ZMIZ1: variants seen among roughly 807,000 people sequenced by gnomAD.
The protein encoded by ZMIZ1 is zinc finger MIZ domain-containing protein 1.
In ZMIZ1, 17 loss-of-function variants were observed where a neutral mutation model predicts 113.9. That is an observed-to-expected ratio of 0.15 (90% CI 0.10 to 0.22). The LOEUF (loss-of-function observed/expected upper bound fraction) is 0.22. Among genes scored for constraint, ZMIZ1 ranks in the 10% least tolerant of loss-of-function variants. ZMIZ1 has a pLI of 1.00. For synonymous variants in ZMIZ1, 607 were observed against 603.1 expected (o/e 1.01, Z -0.09); for missense variants, 1,059 against 1,477.8 (o/e 0.72, Z 4.65).
chr10:79,188,291 G>A (rs1313484324), intron 4 of ZMIZ1, among the ~76,000 whole-genome samples: 1 of 152,146 alleles, frequency 6.6e-6, no homozygotes, highest in East Asian at 1.9e-4. Flanking sequence ...GTCATTGCTT[G>A]GATGGGACAG....
chr10:79,270,400 C>T (rs1306625365), intron 7 of ZMIZ1, among the ~76,000 whole-genome samples: 2 of 152,284 alleles, frequency 1.3e-5, no homozygotes, highest in Non-Finnish European at 1.5e-5. Flanking sequence ...TTGGTGCTGC[C>T]TTCGCCATAG....
At chr10:79,270,570 G>A (rs530166464) in intron 7 of ZMIZ1, among the ~76,000 whole-genome samples, 4 of 152,322 alleles carry the variant, frequency 2.6e-5, no homozygotes, top group East Asian at 1.9e-4. Flanking sequence ...TGGAGGACAC[G>A]TGTTGCTTGT....
chr10:79,147,350 G>C (rs1180065359), intron 3 of ZMIZ1, among the ~76,000 whole-genome samples: 1 of 152,216 alleles, frequency 6.6e-6, no homozygotes, highest in Non-Finnish European at 1.5e-5. Flanking sequence ...CTTCTGACCA[G>C]GGGGAGCCGA....
chr10:79,083,070 C>A (rs704007), intron 1 of ZMIZ1, among the ~76,000 whole-genome samples: 80,553 of 152,180 alleles, frequency 0.53, 21,573 homozygotes, highest in African/African-American at 0.61. Flanking sequence ...TTGACAGGGG[C>A]CCTGCTTACA....
intron 4 of ZMIZ1, among the ~76,000 whole-genome samples, chr10:79,166,742 C>T (rs1174199545): frequency 3.3e-5 from 5 of 152,230 alleles, no homozygotes; most frequent in Non-Finnish European, 1.5e-5. Context: ...AAATTGTCCT[C>T]TCCTGAAGGG....
chr10:79,165,537 A>G (rs1307161310), intron 4 of ZMIZ1, among the ~76,000 whole-genome samples: 1 of 152,124 alleles, frequency 6.6e-6, no homozygotes, highest in Admixed American at 6.5e-5. Flanking sequence ...CTGTGTGAAT[A>G]TTCATGAGTA....
chr10:79,293,839 A>C, intron 12 of ZMIZ1, 186 bp downstream of exon 12: 16 of 867,672 alleles, frequency 1.8e-5, no homozygotes, highest in South Asian at 6.2e-5. Flanking sequence ...CAACTGAAAG[A>C]CCTCGAGCCA....
intron 5 of ZMIZ1, among the ~76,000 whole-genome samples, chr10:79,204,119 C>T (rs967917701): frequency 6.6e-6 from 1 of 152,228 alleles, no homozygotes; most frequent in Non-Finnish European, 1.5e-5. Context: ...ATCCTGTAAC[C>T]TAATCAGAAG....
intron 1 of ZMIZ1, among the ~76,000 whole-genome samples, chr10:79,114,102 G>T (rs1843882143): frequency 6.6e-6 from 1 of 152,342 alleles, no homozygotes; most frequent in South Asian, 2.1e-4. Flanking sequence ...GGGGACTGGG[G>T]TGGCCCCCTC....
At chr10:79,273,665 C>T (rs1030709852) in intron 7 of ZMIZ1, among the ~76,000 whole-genome samples, 1 of 152,254 alleles carries the variant, frequency 6.6e-6, no homozygotes, top group South Asian at 2.1e-4. Flanking sequence ...GCCCCTGCTT[C>T]TTGGTTTCTG....
At chr10:79,290,806 T>TC (rs1304536747) in intron 9 of ZMIZ1, 153 bp from the exon 10 acceptor site, 1 of 871,982 alleles carries the variant, frequency 1.1e-6, no homozygotes, top group Non-Finnish European at 1.9e-6. Context: ...ACCGGTACAC[T>TC]CAGAATAGTT....
chr10:79,273,293 C>G (rs1852059648), intron 7 of ZMIZ1, among the ~76,000 whole-genome samples: 1 of 152,200 alleles, frequency 6.6e-6, no homozygotes, highest in African/African-American at 2.4e-5. Flanking sequence ...ACCCTAACCC[C>G]CTTTCTGTGG....
intron 1 of ZMIZ1, among the ~76,000 whole-genome samples, chr10:79,117,340 T>C (rs1844079867): frequency 6.6e-6 from 1 of 152,154 alleles, no homozygotes; most frequent in Non-Finnish European, 1.5e-5. Context: ...AGGCGTAGAG[T>C]CTTTTTGCCC....
intron 22 of ZMIZ1, among the ~76,000 whole-genome samples, chr10:79,306,984 G>A (rs371026326): frequency 3.3e-5 from 5 of 152,300 alleles, no homozygotes; most frequent in Admixed American, 6.5e-5. Flanking sequence ...TGGCTTCTGC[G>A]GGTGTCATCC....
chr10:79,076,891 C>G (rs1297398502), intron 1 of ZMIZ1, among the ~76,000 whole-genome samples: 1 of 152,150 alleles, frequency 6.6e-6, no homozygotes, highest in Non-Finnish European at 1.5e-5. Context: ...TACAAGGTTT[C>G]TCATCTGCCG....
At chr10:79,235,841 C>T (rs534608110) in intron 7 of ZMIZ1, among the ~76,000 whole-genome samples, 7 of 152,172 alleles carry the variant, frequency 4.6e-5, no homozygotes, top group Admixed American at 2.0e-4. Context: ...ATGCCCTGGA[C>T]GCTACAGTTG....
chr10:79,177,758 A>G (rs1390792937), intron 4 of ZMIZ1, among the ~76,000 whole-genome samples: 1 of 152,204 alleles, frequency 6.6e-6, no homozygotes, highest in Non-Finnish European at 1.5e-5. Flanking sequence ...AACTTTAATA[A>G]TGTCCTTTTT....
chr10:79,274,277 C>G (rs934373909), intron 7 of ZMIZ1, among the ~76,000 whole-genome samples: 10 of 152,262 alleles, frequency 6.6e-5, no homozygotes, highest in African/African-American at 2.4e-4. Flanking sequence ...ACTGTTTTTG[C>G]CATTCTAGCA....
rs999980115 is a variant in ZMIZ1, at chr10:79,291,248, A to C, written c.758+72A>C. On this transcript the variant is annotated intron_variant, in intron 10 of 24. Coordinates refer to ENST00000334512, the MANE Select transcript of ZMIZ1 (RefSeq NM_020338.4). ...TCCTCCTTCCAGTGGGGAGGGACCC[A>C]CTTAAATCCCAGCTCCACGCTTTCT... is the stretch of plus-strand genomic sequence containing the variant. 5 of 1,457,032 alleles carry C rather than the reference A, an allele frequency of 3.4e-6. No individual in the cohort carries two copies. In the African/African-American group the frequency reaches 7.1e-5, roughly 21 times the overall value. The allele number at this position is 1,457,032 out of a possible 1,614,324, so 90.3% of individuals were successfully genotyped here.
Sources: gnomAD v4.1 joint callset for allele counts (sites outside exome capture counted in the v4.1 genomes callset) on GRCh38, gnomAD v4.1.1 for gene constraint, MANE v1.5 for transcripts, NCBI Gene and HGNC (gene_info 2026-07-23, HGNC 2026-07-21) for gene names.